Variants in MYO18B observed in about 807,000 individuals in gnomAD.
MYO18B encodes unconventional myosin-XVIIIb.
A neutral mutation model predicts 273.0 loss-of-function variants in MYO18B; 204 were observed. The observed-to-expected ratio is 0.75, with a 90% CI of 0.67 to 0.84. MYO18B has a LOEUF of 0.84. Ranked by LOEUF, MYO18B falls within the 40% of genes least tolerant of loss-of-function variation. The pLI, the probability that MYO18B is intolerant of heterozygous loss-of-function variation, is 0.00. For missense variants in MYO18B, 3,212 were observed against 3,287.6 expected (o/e 0.98, Z 0.56); for synonymous variants, 1,330 against 1,305.7 (o/e 1.02, Z -0.40).
chr22:25,990,244 T>C (rs1191709408), intron 39 of MYO18B, among the ~76,000 whole-genome samples: 1 of 152,174 alleles, frequency 6.6e-6, no homozygotes, highest in Non-Finnish European at 1.5e-5. Flanking sequence ...TGGTCCTCGC[T>C]GACTTCCATT....
Position 25,884,369 on chromosome 22 carries a change from T to C in MYO18B, c.4314+6321T>C, listed in dbSNP as rs533175303. ...CATAGTCCTGCCACAGCATCATGCT[T>C]CTGTGAGGAACTGGACTGGTAGCTC... On this transcript the variant is annotated intron_variant, in intron 25 of 43. Transcript: ENST00000335473. Among the ~76,000 whole-genome samples, 24 of 152,302 alleles carry C rather than the reference T, an allele frequency of 1.6e-4. 1 individual carries two copies. The South Asian group carries it at 4.6e-3, about 29-fold the overall frequency.
chr22:25,966,050 G>C (rs1222150234), intron 39 of MYO18B, among the ~76,000 whole-genome samples: 2 of 152,128 alleles, frequency 1.3e-5, no homozygotes, highest in African/African-American at 4.8e-5. Flanking sequence ...GTATAAAATA[G>C]ATGCAATCAC....
At chr22:25,803,526 G>A (rs1725727104) in intron 12 of MYO18B, among the ~76,000 whole-genome samples, 1 of 152,006 alleles carries the variant, frequency 6.6e-6, no homozygotes, top group Admixed American at 6.6e-5. Flanking sequence ...TTGTAAAGGA[G>A]AGCCCAGAGG....
chr22:25,872,496 T>C (rs2269636), intron 22 of MYO18B, among the ~76,000 whole-genome samples: 26,773 of 152,174 alleles, frequency 0.18, 2,696 homozygotes, highest in African/African-American at 0.27. Flanking sequence ...ACATTCCTCA[T>C]AGAGCTGTTT....
intron 34 of MYO18B, among the ~76,000 whole-genome samples, chr22:25,922,145 G>T (rs2092357213): frequency 6.6e-6 from 1 of 152,088 alleles, no homozygotes; most frequent in Admixed American, 6.5e-5. Flanking sequence ...CAGGTGATCG[G>T]GTGGCAGAAA....
intron 12 of MYO18B, among the ~76,000 whole-genome samples, chr22:25,804,851 C>T (rs184318938): frequency 1.9e-4 from 29 of 152,338 alleles, no homozygotes; most frequent in Admixed American, 1.7e-3. Flanking sequence ...ACTGTCAGGA[C>T]TGTGAGATCG....
chr22:25,777,770 G>T lies in MYO18B; in HGVS notation c.2057G>T (p.Gly686Val). ...HLVGMAGSVDGRVSVEKIRAT... is the reference protein window; with the variant it reads ...HLVGMAGSVDVRVSVEKIRAT... ...GTGGGGATGGCAGGCAGTGTGGATG[G>T]CAGGGTCTCAGGTATGGTGGTCTCT... The change falls in exon 8 of 44, where the codon GGC becomes GTC. Residue 686 changes from glycine to valine, a missense_variant. By Grantham distance (109) the Gly-to-Val change is moderately radical. Transcript: ENST00000335473. 5.6e-6 allele frequency: 9 copies of T among 1,600,546 alleles called. No individual in the cohort carries two copies. The highest frequency in any genetic ancestry group is 7.7e-6 in the Non-Finnish European group (9 of 1,173,202).
chr22:25,977,837 A>G (rs2093108622), intron 39 of MYO18B, among the ~76,000 whole-genome samples: 4 of 152,240 alleles, frequency 2.6e-5, no homozygotes, highest in Admixed American at 1.3e-4. Context: ...CTATAGCACA[A>G]CAATGCTGTT....
At chr22:25,866,780 G>T (rs867293032) in intron 21 of MYO18B, among the ~76,000 whole-genome samples, 46 of 102,442 alleles carry the variant, frequency 4.5e-4, no homozygotes, top group African/African-American at 1.8e-3. Context: ...GCGAGACTCC[G>T]TCTCAAAAAA....
chr22:25,937,763 T>A (rs2092598052), intron 34 of MYO18B, among the ~76,000 whole-genome samples: 1 of 152,078 alleles, frequency 6.6e-6, no homozygotes, highest in Non-Finnish European at 1.5e-5. Context: ...TTTTGTATTT[T>A]TAGTAGAGAT....
intron 11 of MYO18B, among the ~76,000 whole-genome samples, chr22:25,796,279 T>G (rs2087905011): frequency 6.6e-6 from 1 of 152,196 alleles, no homozygotes. Flanking sequence ...CATTTTCTGT[T>G]TCCTTCTGTT....
At chr22:25,802,769 A>AC (rs1449351196) in intron 12 of MYO18B, among the ~76,000 whole-genome samples, 14 of 146,722 alleles carry the variant, frequency 9.5e-5, no homozygotes, top group African/African-American at 3.3e-4. Context: ...AAAAAAAAAA[A>AC]AAAAAAACCC....
At chr22:25,909,921 C>T (rs1380034908) in intron 32 of MYO18B, among the ~76,000 whole-genome samples, 3 of 152,082 alleles carry the variant, frequency 2.0e-5, no homozygotes, top group Admixed American at 6.5e-5. Context: ...GTATGCACTT[C>T]GGATTTTCCC....
chr22:25,986,723 A>G (rs773778628), intron 39 of MYO18B, among the ~76,000 whole-genome samples: 23 of 152,230 alleles, frequency 1.5e-4, no homozygotes, highest in Admixed American at 3.3e-4. Flanking sequence ...ATTCAACTCC[A>G]TTCGATTTTC....
chr22:26,018,353 G>T (rs1339530465), intron 42 of MYO18B, among the ~76,000 whole-genome samples: 1 of 152,106 alleles, frequency 6.6e-6, no homozygotes, highest in East Asian at 1.9e-4. Context: ...CATGGGGACA[G>T]ATTGCTGCTA....
chr22:26,059,143 A>G, the MYO18B span, among the ~76,000 whole-genome samples: 1 of 152,230 alleles, frequency 6.6e-6, no homozygotes, highest in Non-Finnish European at 1.5e-5. Context: ...TTGGACAAGG[A>G]CATTTTCTGA....
chr22:25,950,528 G>T (rs6004852), intron 37 of MYO18B, 78 bp downstream of exon 37: 1 of 205,782 alleles, frequency 4.9e-6, no homozygotes, highest in Non-Finnish European at 8.8e-6. Context: ...ATGTGTGTGT[G>T]TGTGTGTGTG....
At position 25,946,218 on chromosome 22, in the gene MYO18B, G is replaced by C. The variant is rs761549203; in HGVS notation, c.5599G>C (p.Glu1867Gln). 1.9e-6 allele frequency: 3 copies of C among 1,581,646 alleles called. No individual in the cohort carries two copies. The highest frequency in any genetic ancestry group is 3.6e-5 in the Admixed American group (2 of 55,678). ...LTADLESMHS[E>Q]LENMTRNKSL... The stretch of plus-strand genomic sequence containing the variant: ...AGCGGACCTGGAGAGCATGCACAGC[G>C]AGCTGGAGAACATGACGCGGAACAA... The change falls in exon 35 of 44, where the codon GAG (glutamate) becomes CAG (glutamine). Residue 1867 changes from glutamate (E) to glutamine (Q), a missense_variant. Glu to Gln is a conservative substitution (Grantham distance 29). Transcript: ENST00000335473.
intron 40 of MYO18B, among the ~76,000 whole-genome samples, chr22:26,002,879 T>C (rs1462971730): frequency 6.6e-6 from 1 of 152,188 alleles, no homozygotes; most frequent in South Asian, 2.1e-4. Flanking sequence ...ATGTCTGATT[T>C]GCTAGCACTC....
Sources: allele counts gnomAD v4.1 joint callset (sites outside exome capture counted in the v4.1 genomes callset), GRCh38; gene constraint gnomAD v4.1.1; transcripts MANE v1.5; gene names NCBI Gene and HGNC (gene_info 2026-07-23, HGNC 2026-07-21).